Variants in CYP2C8 observed in about 807,000 individuals in gnomAD.
The protein encoded by CYP2C8 is cytochrome P450 family 2 subfamily C member 8.
In CYP2C8, 51 loss-of-function variants were observed where a neutral mutation model predicts 41.3. That is an observed-to-expected ratio of 1.24 (90% CI 0.99 to 1.56). The LOEUF is 1.56. CYP2C8 is among the 40% of genes most tolerant of loss of function. CYP2C8 has a pLI of 0.00. For synonymous variants in CYP2C8, 218 were observed against 205.8 expected, an observed-to-expected ratio of 1.06 and a Z score of -0.51; for missense variants, 651 against 579.9, an observed-to-expected ratio of 1.12 and a Z score of -1.26.
chr10:95,039,822 A>G (rs2032959779), intron 7 of CYP2C8, among the ~76,000 whole-genome samples: 1 of 152,210 alleles, frequency 6.6e-6, no homozygotes, highest in Non-Finnish European at 1.5e-5. Flanking sequence ...GACATATGTG[A>G]CATTTCATGC....
At chr10:95,059,420 T>C (rs11188161) in intron 4 of CYP2C8, among the ~76,000 whole-genome samples, 39,599 of 138,466 alleles carry the variant, frequency 0.29, 5,381 homozygotes, top group African/African-American at 0.33. Context: ...TTTCATGTGT[T>C]TTTTGGCTGC....
intron 5 of CYP2C8, among the ~76,000 whole-genome samples, chr10:95,053,665 A>G (rs749244950): frequency 6.6e-6 from 1 of 152,184 alleles, no homozygotes; most frequent in Non-Finnish European, 1.5e-5. Context: ...TAACACAGGA[A>G]CAGAAAACCA....
intron 3 of CYP2C8, among the ~76,000 whole-genome samples, chr10:95,065,745 G>A (rs1157168342): frequency 6.6e-6 from 1 of 152,024 alleles, no homozygotes; most frequent in Non-Finnish European, 1.5e-5. Context: ...ATATTATTCA[G>A]TATAGTCATC....
chr10:95,063,864 A>G (rs2033495773), intron 4 of CYP2C8, among the ~76,000 whole-genome samples: 1 of 152,166 alleles, frequency 6.6e-6, no homozygotes, highest in Admixed American at 6.5e-5. Flanking sequence ...AACAGTCAGG[A>G]TCCTCAGCCG....
intron 6 of CYP2C8, 119 bp downstream of exon 6, chr10:95,045,691 G>C: frequency 8.2e-7 from 1 of 1,225,016 alleles, no homozygotes; most frequent in East Asian, 2.3e-5. Flanking sequence ...ACAGATTACA[G>C]CTGATGACAC....
In CYP2C8 at chr10:95,036,985, T is replaced by A; in HGVS notation, c.*143A>T. On this transcript the variant is annotated 3_prime_UTR_variant, in exon 9 of 9. Coordinates refer to ENST00000371270, the MANE Select transcript of CYP2C8 (RefSeq NM_000770.3). ...GTGCAGTGACCTGAACAACTCTCCTTAATGGAGTTTGGATGCTTATGGGAT... is the reference window on the plus strand; with the variant it reads ...GTGCAGTGACCTGAACAACTCTCCTAAATGGAGTTTGGATGCTTATGGGAT... 1.3e-6 allele frequency: 1 copy of A among 777,072 alleles called. No individual in the cohort carries two copies. The highest frequency in any genetic ancestry group is 2.3e-6 in the Non-Finnish European group (1 of 442,292). 48.1% of individuals were successfully genotyped at this position (777,072 alleles called of 1,614,324 possible).
chr10:95,064,321 A>C (rs551776628), intron 4 of CYP2C8, among the ~76,000 whole-genome samples: 3 of 152,070 alleles, frequency 2.0e-5, no homozygotes, highest in South Asian at 4.2e-4. Context: ...CTCAAGCCTC[A>C]GCAATGGTGG....
chr10:95,042,107 C>G (rs987936140), intron 7 of CYP2C8, among the ~76,000 whole-genome samples: 2 of 152,046 alleles, frequency 1.3e-5, no homozygotes, highest in Non-Finnish European at 2.9e-5. Flanking sequence ...TATACTCTAC[C>G]CCCCAGCAGA....
chr10:95,037,427 T>C, intron 8 of CYP2C8, 118 bp from the exon 9 acceptor site: 1 of 840,594 alleles, frequency 1.2e-6, no homozygotes, highest in South Asian at 1.5e-5. Flanking sequence ...AATGATTGGG[T>C]AGATGAATGA....
intron 1 of CYP2C8, chr10:95,068,578 T>G (rs934786692): frequency 7.8e-7 from 1 of 1,287,992 alleles, no homozygotes; most frequent in African/African-American, 1.5e-5. Flanking sequence ...GGATGAAATT[T>G]CTAATCACAC....
chr10:95,067,468 C>A (rs1244426744), intron 2 of CYP2C8, 61 bp downstream of exon 2: 1 of 1,612,462 alleles, frequency 6.2e-7, no homozygotes, highest in Non-Finnish European at 8.5e-7. Context: ...CTTTTTAGGG[C>A]TCTGTTTTCC....
chr10:95,059,428 T>C (rs918869744), intron 4 of CYP2C8, among the ~76,000 whole-genome samples: 6 of 84,554 alleles, frequency 7.1e-5, no homozygotes, highest in Non-Finnish European at 1.5e-4. Context: ...GTTTTTTGGC[T>C]GCATAAATGT....
At chr10:95,058,574 C>A in intron 4 of CYP2C8, 63 bp from the exon 5 acceptor site, 1 of 1,405,572 alleles carries the variant, frequency 7.1e-7, no homozygotes. Context: ...TACACCAAGC[C>A]CTGATTGAAA....
At chr10:95,055,050 C>A (rs1589442552) in intron 5 of CYP2C8, among the ~76,000 whole-genome samples, 1 of 152,054 alleles carries the variant, frequency 6.6e-6, no homozygotes, top group South Asian at 2.1e-4. Flanking sequence ...GATGGCAATG[C>A]TTCCAAAAGT....
intron 5 of CYP2C8, among the ~76,000 whole-genome samples, chr10:95,052,437 C>T (rs950864761): frequency 3.3e-5 from 5 of 151,662 alleles, no homozygotes; most frequent in African/African-American, 1.2e-4. Flanking sequence ...GGAATACTTC[C>T]AAATTAATTC....
intron 4 of CYP2C8, among the ~76,000 whole-genome samples, chr10:95,063,878 G>A (rs974599081): frequency 1.3e-5 from 2 of 152,214 alleles, no homozygotes; most frequent in Non-Finnish European, 2.9e-5. Context: ...TCAGCCGCGA[G>A]TCTGCTGGAG....
At chr10:95,053,798 G>C (rs1352982104) in intron 5 of CYP2C8, among the ~76,000 whole-genome samples, 1 of 152,052 alleles carries the variant, frequency 6.6e-6, no homozygotes, top group Non-Finnish European at 1.5e-5. Flanking sequence ...AGAGCACTGG[G>C]ACAAATACTT....
At chr10:95,047,287 A>AT (rs1184727986) in intron 5 of CYP2C8, among the ~76,000 whole-genome samples, 1 of 152,154 alleles carries the variant, frequency 6.6e-6, no homozygotes, top group East Asian at 1.9e-4. Context: ...TAACACATTC[A>AT]TTTTTATGAT....
At chr10:95,052,641 T>G (rs1382759302) in intron 5 of CYP2C8, among the ~76,000 whole-genome samples, 1 of 152,128 alleles carries the variant, frequency 6.6e-6, no homozygotes, top group Non-Finnish European at 1.5e-5. Context: ...TGCTTTAACA[T>G]ATGCCAATTA....
Sources: gnomAD v4.1 joint callset for allele counts (sites outside exome capture counted in the v4.1 genomes callset) on GRCh38, gnomAD v4.1.1 for gene constraint, MANE v1.5 for transcripts, NCBI Gene and HGNC (gene_info 2026-07-23, HGNC 2026-07-21) for gene names.